SNX29: variants seen among roughly 807,000 people sequenced by gnomAD.
SNX29 encodes sorting nexin-29.
In SNX29, 78 loss-of-function variants were observed where a neutral mutation model predicts 102.1. That is an observed-to-expected ratio of 0.76 (90% CI 0.64 to 0.92). The LOEUF (loss-of-function observed/expected upper bound fraction) is 0.92, where lower values mean the gene tolerates loss of function less well. SNX29 is among the 40% of genes least tolerant of loss of function. The pLI is 0.00. For synonymous variants in SNX29, 580 were observed against 414.5 expected, an observed-to-expected ratio of 1.40 and a Z score of -4.85; for missense variants, 1,280 against 1,061.7, an observed-to-expected ratio of 1.21 and a Z score of -2.86.
intron 18 of SNX29, among the ~76,000 whole-genome samples, chr16:12,436,504 A>G (rs943482367): frequency 3.9e-5 from 6 of 152,204 alleles, no homozygotes; most frequent in Non-Finnish European, 7.4e-5. Context: ...TTTGTTGCTC[A>G]GGCATTCATA....
intron 18 of SNX29, among the ~76,000 whole-genome samples, chr16:12,409,123 G>T (rs573705164): frequency 6.6e-6 from 1 of 152,186 alleles, no homozygotes; most frequent in Non-Finnish European, 1.5e-5. Context: ...TTTTTCATCC[G>T]TGAGTACTTC....
intron 14 of SNX29, among the ~76,000 whole-genome samples, chr16:12,237,160 G>A (rs1318141567): frequency 6.6e-6 from 1 of 152,198 alleles, no homozygotes; most frequent in Non-Finnish European, 1.5e-5. Context: ...AGGCAGGTGG[G>A]ACGTAGGACA....
chr16:12,244,593 G>C lies in SNX29; in HGVS notation c.1679-33340G>C, dbSNP rs138127800. On this transcript the variant is annotated intron_variant, in intron 14 of 20. Coordinates refer to ENST00000566228, the MANE Select transcript of SNX29 (RefSeq NM_032167.5). ...CCATTGCACTCCAGCCTAGGTGACA[G>C]AGACTCCATCTCAAAGAAAAAAAAA... Among the ~76,000 whole-genome samples the C allele has an allele frequency of 8.6e-4, 131 of 151,846 alleles. 2 individuals carry two copies. In the East Asian group the frequency reaches 0.024, roughly 28 times the overall value.
intron 4 of SNX29, among the ~76,000 whole-genome samples, chr16:12,037,466 T>G (rs1384903282): frequency 3.3e-5 from 5 of 152,002 alleles, no homozygotes; most frequent in Admixed American, 2.0e-4. Flanking sequence ...ACCAAAAAAC[T>G]TATCAATCAA....
At chr16:12,402,022 T>A (rs775174317) in intron 17 of SNX29, among the ~76,000 whole-genome samples, 1 of 152,238 alleles carries the variant, frequency 6.6e-6, no homozygotes, top group Non-Finnish European at 1.5e-5. Context: ...TATTTCTGCC[T>A]TGTAGCCTGA....
chr16:12,291,917 T>C (rs2079809865), intron 15 of SNX29, among the ~76,000 whole-genome samples: 2 of 152,202 alleles, frequency 1.3e-5, no homozygotes, highest in Admixed American at 6.5e-5. Context: ...AGTGGATATA[T>C]TGAAGAATCA....
chr16:12,570,366 C>T lies in SNX29; in HGVS notation c.*1737C>T, dbSNP rs368953671. ...CTCACCTGCCAACATTGCTGCAATA[C>T]ACATGGTTTATCTGAAATTCCAAGG... On this transcript the variant is annotated 3_prime_UTR_variant, in exon 21 of 21. Coordinates refer to ENST00000566228, the MANE Select transcript of SNX29 (RefSeq NM_032167.5). 4.2e-6 allele frequency: 2 copies of T among 478,572 alleles called. No individual in the cohort carries two copies. The highest frequency in any genetic ancestry group is 5.6e-5 in the Admixed American group (1 of 18,000). 29.6% of individuals were successfully genotyped at this position (478,572 alleles called of 1,614,324 possible).
At chr16:12,266,202 G>A (rs1165514225) in intron 14 of SNX29, among the ~76,000 whole-genome samples, 1 of 152,150 alleles carries the variant, frequency 6.6e-6, no homozygotes, top group Non-Finnish European at 1.5e-5. Flanking sequence ...TGGGGTTGCA[G>A]GTGTGAGCTG....
At chr16:12,562,281 T>G (rs562021860) in intron 20 of SNX29, among the ~76,000 whole-genome samples, 6 of 152,194 alleles carry the variant, frequency 3.9e-5, no homozygotes, top group African/African-American at 1.4e-4. Flanking sequence ...GGCCACGCTC[T>G]ATCCCAGCAT....
At chr16:12,315,687 C>T (rs556021303) in intron 15 of SNX29, among the ~76,000 whole-genome samples, 2 of 152,304 alleles carry the variant, frequency 1.3e-5, no homozygotes, top group African/African-American at 4.8e-5. Flanking sequence ...GACTTTGCCC[C>T]TCTACAACTG....
chr16:11,993,846 C>T (rs570351559), intron 1 of SNX29, among the ~76,000 whole-genome samples: 14 of 152,294 alleles, frequency 9.2e-5, no homozygotes, highest in African/African-American at 2.9e-4. Flanking sequence ...AAAGGCCGGG[C>T]GCGGTGGCTC....
rs1326523458 is a variant in SNX29, at chr16:12,048,697, T to C, written c.748+77T>C. The C allele has an allele frequency of 7.4e-6, 12 of 1,611,586 alleles. No individual in the cohort carries two copies. In the South Asian group the frequency reaches 1.2e-4, roughly 16 times the overall value. On this transcript the variant is annotated intron_variant, in intron 7 of 20. Coordinates refer to ENST00000566228, the MANE Select transcript of SNX29 (RefSeq NM_032167.5). ...GATGGGGTGGACATATCTTGTCATCTGAAAGTCATTCCAAGGGGAATGGAG... is the reference window on the plus strand; with the variant it reads ...GATGGGGTGGACATATCTTGTCATCCGAAAGTCATTCCAAGGGGAATGGAG...
Position 12,462,048 on chromosome 16 carries a change from T to TACACACACACACACACACAC in SNX29, c.2038-15670_2038-15669insCACACACACACACACACACA, listed in dbSNP as rs1567588303. ...ACACACACACACACACACACACTCTTATATATGAGAAAATATCCAGACCAG... is the reference window on the plus strand; with the variant it reads ...ACACACACACACACACACACACTCTTACACACACACACACACACACATATATGAGAAAATATCCAGACCAG... On this transcript the variant is annotated intron_variant, in intron 18 of 20. Coordinates refer to ENST00000566228, the MANE Select transcript of SNX29 (RefSeq NM_032167.5). 2.2e-4 allele frequency among the ~76,000 whole-genome samples: 25 copies of TACACACACACACACACACAC among 116,148 alleles called. No homozygotes were observed. The East Asian group carries it at 4.4e-3, about 21-fold the overall frequency. 76.2% of individuals were successfully genotyped at this position (116,148 alleles called of 152,430 possible).
intron 14 of SNX29, among the ~76,000 whole-genome samples, chr16:12,233,778 C>T (rs1435451029): frequency 6.6e-6 from 1 of 152,042 alleles, no homozygotes; most frequent in Admixed American, 6.6e-5. Flanking sequence ...CACCCCAGGG[C>T]CTGGCAAGCA....
chr16:12,400,108 C>T (rs1442137837), intron 17 of SNX29, among the ~76,000 whole-genome samples: 4 of 152,014 alleles, frequency 2.6e-5, no homozygotes, highest in Admixed American at 2.0e-4. Context: ...AGATTTGGAA[C>T]CTCCCCCAAC....
rs1056670165 is a variant in SNX29 at position 12,548,008 on chromosome 16, C to G, written c.2319-20498C>G. ...AGGGGTCTCGAGTGAACGTGGCATC[C>G]TGGACTTTTGCACTGCTCATATTGG... On this transcript the variant is annotated intron_variant, in intron 20 of 20. Coordinates refer to ENST00000566228, the MANE Select transcript of SNX29 (RefSeq NM_032167.5). 5.9e-5 allele frequency among the ~76,000 whole-genome samples: 9 copies of G among 152,260 alleles called. No individual in the cohort carries two copies. In the South Asian group the frequency reaches 6.2e-4, roughly 11 times the overall value.
At position 12,550,758 on chromosome 16, in the gene SNX29, T is replaced by C. The variant is rs536775827; in HGVS notation, c.2319-17748T>C. On this transcript the variant is annotated intron_variant, in intron 20 of 20. Coordinates refer to ENST00000566228, the MANE Select transcript of SNX29 (RefSeq NM_032167.5). Reference sequence around the variant, plus strand: ...TATTTAAAAAAGGTGATAAAATAGTTGAAAAAGTGTAGAGGCTGAATAGCT... The same window carrying C: ...TATTTAAAAAAGGTGATAAAATAGTCGAAAAAGTGTAGAGGCTGAATAGCT... Among the ~76,000 whole-genome samples the C allele has an allele frequency of 7.9e-5, 12 of 151,682 alleles. No individual in the cohort carries two copies. The East Asian group carries it at 2.3e-3, about 30-fold the overall frequency.
chr16:12,294,734 T>G (rs541815172), intron 15 of SNX29, among the ~76,000 whole-genome samples: 2 of 152,302 alleles, frequency 1.3e-5, no homozygotes, highest in East Asian at 1.9e-4. Context: ...CTACTGGCTG[T>G]CTGTCACTTG....
chr16:12,151,763 C>T (rs1183288370), intron 13 of SNX29, among the ~76,000 whole-genome samples: 2 of 152,102 alleles, frequency 1.3e-5, no homozygotes, highest in African/African-American at 4.8e-5. Flanking sequence ...TGAGACAGAG[C>T]CTCACTCTGA....
Sources: gnomAD v4.1 joint callset for allele counts (sites outside exome capture counted in the v4.1 genomes callset) on GRCh38, gnomAD v4.1.1 for gene constraint, MANE v1.5 for transcripts, NCBI Gene and HGNC (gene_info 2026-07-23, HGNC 2026-07-21) for gene names.